The following TANC2 variants were observed in gnomAD, a reference collection of about 807,000 sequenced individuals.
TANC2 encodes protein TANC2.
In TANC2, 26 loss-of-function variants were observed where a neutral mutation model predicts 210.5. The observed-to-expected ratio is 0.12, with a 90% CI of 0.09 to 0.17. The LOEUF (loss-of-function observed/expected upper bound fraction) is 0.17, where lower values mean the gene tolerates loss of function less well. Among genes scored for constraint, TANC2 ranks in the 10% least tolerant of loss-of-function variants. TANC2 has a pLI of 1.00. For synonymous variants in TANC2, 931 were observed against 967.1 expected (o/e 0.96, Z 0.69); for missense variants, 2,129 against 2,608.9 (o/e 0.82, Z 4.01).
intron 18 of TANC2, among the ~76,000 whole-genome samples, chr17:63,397,843 A>G (rs1487893584): frequency 1.3e-5 from 2 of 152,360 alleles, no homozygotes; most frequent in South Asian, 2.1e-4. Context: ...TTTAATTGCT[A>G]TTTGATTTCT....
At chr17:63,051,793 T>C (rs2035592031) in intron 2 of TANC2, among the ~76,000 whole-genome samples, 1 of 152,164 alleles carries the variant, frequency 6.6e-6, no homozygotes, top group South Asian at 2.1e-4. Context: ...AGTGTTATAG[T>C]TTTAAAAAAT....
chr17:63,259,143 G>A (rs555842556), intron 8 of TANC2, among the ~76,000 whole-genome samples: 5 of 152,230 alleles, frequency 3.3e-5, no homozygotes, highest in South Asian at 2.1e-4. Context: ...CCCGAAATAG[G>A]GGCCCCAGAA....
chr17:63,268,398 A>G (rs773237057), intron 9 of TANC2, among the ~76,000 whole-genome samples: 23 of 152,210 alleles, frequency 1.5e-4, no homozygotes, highest in South Asian at 8.3e-4. Flanking sequence ...TGTTTCACAA[A>G]ATGTTGAGTA....
At chr17:62,978,495 TG>T (rs1281195359) in intron 1 of TANC2, 2 of 152,260 alleles carry the variant, frequency 1.3e-5, no homozygotes, top group Non-Finnish European at 2.9e-5. Context: ...CTATGGGTCC[TG>T]TGCCTTGGCC....
At chr17:63,226,782 G>A (rs983933653) in intron 7 of TANC2, among the ~76,000 whole-genome samples, 1 of 152,088 alleles carries the variant, frequency 6.6e-6, no homozygotes, top group Non-Finnish European at 1.5e-5. Context: ...GGCCCCAGTG[G>A]TGGTGTTCCC....
At chr17:63,236,611 A>G (rs1567841028) in intron 7 of TANC2, among the ~76,000 whole-genome samples, 2 of 152,108 alleles carry the variant, frequency 1.3e-5, no homozygotes, top group Non-Finnish European at 2.9e-5. Context: ...AATAATGTAC[A>G]TTGAACCCAC....
intron 7 of TANC2, among the ~76,000 whole-genome samples, chr17:63,206,038 A>T (rs1479532800): frequency 6.6e-6 from 1 of 152,236 alleles, no homozygotes; most frequent in Non-Finnish European, 1.5e-5. Context: ...AATGGGAAAA[A>T]GACTTACATA....
chr17:63,145,759 TC>T (rs2039442200), intron 4 of TANC2, among the ~76,000 whole-genome samples: 1 of 152,182 alleles, frequency 6.6e-6, no homozygotes, highest in East Asian at 1.9e-4. Context: ...GGTCTATATG[TC>T]TGTCTTTATG....
In TANC2 at chr17:63,418,523, G is replaced by A; in HGVS notation, c.4268+116G>A. On this transcript the variant is annotated intron_variant, in intron 27 of 27. Transcript: ENST00000689528. This position sits in a 1 kb window ranked among gnomAD's most constrained non-coding sequence, Gnocchi z 4.6. ...AAATACATCTCTGTCCTTGAGAACT[G>A]TCAGGGCCAAGCTTTGGGGATGGCT... The A allele has an allele frequency of 1.0e-5, 9 of 884,482 alleles. 1 individual carries two copies. The South Asian group carries it at 1.5e-4, about 15-fold the overall frequency. 54.8% of individuals were successfully genotyped at this position (884,482 alleles called of 1,614,324 possible). A position where few individuals can be genotyped will look rare whatever the true frequency, so the allele number is the denominator to read the frequency against.
chr17:63,124,055 T>C (rs1012506229), intron 4 of TANC2, among the ~76,000 whole-genome samples: 2 of 152,172 alleles, frequency 1.3e-5, no homozygotes, highest in Admixed American at 6.5e-5. Flanking sequence ...AAAGTAAATA[T>C]TTCATAAGAA....
chr17:63,246,627 CGT>C (rs1197486325), intron 8 of TANC2, among the ~76,000 whole-genome samples: 3 of 152,038 alleles, frequency 2.0e-5, no homozygotes, highest in African/African-American at 7.2e-5. Context: ...AGGTTTATGA[CGT>C]ATATATATCA....
chr17:63,017,143 A>T (rs530616181), intron 2 of TANC2, among the ~76,000 whole-genome samples: 1 of 152,296 alleles, frequency 6.6e-6, no homozygotes, highest in South Asian at 2.1e-4. Flanking sequence ...ATTCTTTTGC[A>T]TGTGGAAATC....
chr17:63,111,783 T>C (rs1031960185), intron 4 of TANC2, among the ~76,000 whole-genome samples: 3 of 152,208 alleles, frequency 2.0e-5, no homozygotes, highest in African/African-American at 7.2e-5. Context: ...TGGAGTGCAG[T>C]GGCACAATCT....
chr17:63,048,269 CAT>C (rs1173975736), intron 2 of TANC2, among the ~76,000 whole-genome samples: 1 of 152,118 alleles, frequency 6.6e-6, no homozygotes, highest in Non-Finnish European at 1.5e-5. Context: ...TCAAGTAAAA[CAT>C]AAATATTTGG....
At chr17:63,098,304 C>T (rs1370828986) in intron 3 of TANC2, among the ~76,000 whole-genome samples, 1 of 151,854 alleles carries the variant, frequency 6.6e-6, no homozygotes, top group African/African-American at 2.4e-5. Flanking sequence ...TAGAGCTGAG[C>T]TTTAGTCCCT....
In TANC2 at chr17:63,123,948, G is replaced by A. The variant is rs531912626; in HGVS notation, c.322+24591G>A. 1.8e-3 allele frequency among the ~76,000 whole-genome samples: 277 copies of A among 152,036 alleles called. 7 individuals are homozygous for A. The highest frequency in any genetic ancestry group is 0.017 in the Admixed American group (265 of 15,278). On this transcript the variant is annotated intron_variant, in intron 4 of 27. Coordinates refer to ENST00000689528, the Ensembl canonical transcript of TANC2. ...GAATGTCTGACCTTGTGATCCACCC[G>A]CCTTGGCCTCCCAAAGTGCTGGGAT...
At chr17:63,284,743 T>C (rs895608636) in intron 9 of TANC2, among the ~76,000 whole-genome samples, 1 of 152,122 alleles carries the variant, frequency 6.6e-6, no homozygotes, top group Non-Finnish European at 1.5e-5. Flanking sequence ...TCTATAAATA[T>C]CAAATAGGTC....
intron 9 of TANC2, among the ~76,000 whole-genome samples, chr17:63,309,970 G>GA (rs11308887): frequency 2.3e-4 from 35 of 150,602 alleles, no homozygotes; most frequent in East Asian, 7.9e-4. Flanking sequence ...CCCTTTGGGG[G>GA]AAAAAAAAAA....
intron 2 of TANC2, among the ~76,000 whole-genome samples, chr17:63,020,291 A>G (rs1361203631): frequency 6.6e-6 from 1 of 151,980 alleles, no homozygotes; most frequent in Admixed American, 6.6e-5. Flanking sequence ...ATGAAGTCCA[A>G]TTTATTGTTT....
Sources: allele counts gnomAD v4.1 joint callset (sites outside exome capture counted in the v4.1 genomes callset), GRCh38; gene constraint gnomAD v4.1.1; non-coding constraint Gnocchi (gnomAD v3.1); transcripts MANE v1.5; gene names NCBI Gene and HGNC (gene_info 2026-07-23, HGNC 2026-07-21).